The following FOXN2 variants were observed in gnomAD, a reference collection of about 807,000 sequenced individuals.
FOXN2 encodes forkhead box N2.
Under a neutral mutation model 41.2 loss-of-function variants are expected in FOXN2, and 19 were observed. That is an observed-to-expected ratio of 0.46 (90% CI 0.32 to 0.68). The LOEUF (loss-of-function observed/expected upper bound fraction) is 0.68. Among genes scored for constraint, FOXN2 ranks in the 30% least tolerant of loss-of-function variants. The pLI is 0.03. For missense variants in FOXN2, 587 were observed against 509.4 expected, an observed-to-expected ratio of 1.15 and a Z score of -1.47; for synonymous variants, 195 against 176.8, an observed-to-expected ratio of 1.10 and a Z score of -0.82.
chr2:48,368,225 T>A (rs1672652997), intron 5 of FOXN2, among the ~76,000 whole-genome samples: 1 of 152,056 alleles, frequency 6.6e-6, no homozygotes, highest in Non-Finnish European at 1.5e-5. Flanking sequence ...TGGTTCCTTT[T>A]GAACTGGATA....
chr2:48,326,673 C>T (rs1210846268), intron 1 of FOXN2, among the ~76,000 whole-genome samples: 1 of 152,092 alleles, frequency 6.6e-6, no homozygotes, highest in Non-Finnish European at 1.5e-5. Flanking sequence ...GCCAACATGC[C>T]ACAAGTGGAA....
chr2:48,349,120 C>G (rs1488198535), intron 3 of FOXN2, among the ~76,000 whole-genome samples: 2 of 152,198 alleles, frequency 1.3e-5, no homozygotes, highest in African/African-American at 4.8e-5. Context: ...ATGCCAGGAA[C>G]CATCTCACCA....
intron 2 of FOXN2, among the ~76,000 whole-genome samples, chr2:48,337,260 T>A (rs991007383): frequency 4.6e-5 from 7 of 152,064 alleles, no homozygotes; most frequent in African/African-American, 1.7e-4. Flanking sequence ...GATCTCCAGT[T>A]CCATCCATGT....
In FOXN2 at chr2:48,375,648, C is replaced by G. The variant is rs1673207090; in HGVS notation, c.*205C>G. 1 of 459,636 alleles carries G rather than the reference C, an allele frequency of 2.2e-6. No individual in the cohort carries two copies. The highest frequency in any genetic ancestry group is 3.3e-5 in the East Asian group (1 of 30,330). The allele number at this position is 459,636 out of a possible 1,614,324, so 28.5% of individuals were successfully genotyped here. The stretch of plus-strand genomic sequence containing the variant: ...GATCAGAAATACATGATGTGAAGTC[C>G]TAAAAGCATAATTTTTGTGATAAAT... On this transcript the variant is annotated 3_prime_UTR_variant, in exon 7 of 7. Transcript: ENST00000340553.
rs147830284 is a variant in FOXN2, at chr2:48,377,090, T to A, written c.*1647T>A. On this transcript the variant is annotated 3_prime_UTR_variant, in exon 7 of 7. Transcript: ENST00000340553. Reference sequence around the variant, plus strand: ...CAGGGATAACAGTATTAATGTTCTCTGTTCTGTTTCCATGTTAAATTTAAT... The same window carrying A: ...CAGGGATAACAGTATTAATGTTCTCAGTTCTGTTTCCATGTTAAATTTAAT... 303 of 152,190 alleles carry A rather than the reference T, an allele frequency of 2.0e-3. No homozygotes were observed. Among genetic ancestry groups the A allele is most frequent in the Non-Finnish European group, 3.4e-3 (234 of 67,902 alleles). 9.4% of individuals were successfully genotyped at this position (152,190 alleles called of 1,614,324 possible).
Position 48,375,625 on chromosome 2 carries a change from T to G in FOXN2, c.*182T>G, listed in dbSNP as rs1673205501. On this transcript the variant is annotated 3_prime_UTR_variant, in exon 7 of 7. Transcript: ENST00000340553. ...CAATTGCTGTTAGGATCATGCCTGA[T>G]CAGAAATACATGATGTGAAGTCCTA... The G allele has an allele frequency of 8.7e-6, 5 of 575,528 alleles. No homozygotes were observed. The highest frequency in any genetic ancestry group is 1.5e-5 in the Non-Finnish European group (5 of 333,664). 35.7% of individuals were successfully genotyped at this position (575,528 alleles called of 1,614,324 possible).
rs1230360563 is a variant in FOXN2 at position 48,335,719 on chromosome 2, C to A, written c.-15+7017C>A. On this transcript the variant is annotated intron_variant, in intron 2 of 6. Transcript: ENST00000340553. ...TGGACTCCATAAATAATAATAGCAT[C>A]TTATGAAGTTAAGAAAAAGCTATAT... is the stretch of plus-strand genomic sequence containing the variant. Among the ~76,000 whole-genome samples the A allele has an allele frequency of 3.3e-5, 5 of 152,122 alleles. No homozygotes were observed. In the East Asian group the frequency reaches 9.6e-4, roughly 29 times the overall value.
chr2:48,356,015 T>C (rs1335477036), intron 3 of FOXN2, among the ~76,000 whole-genome samples: 1 of 152,166 alleles, frequency 6.6e-6, no homozygotes, highest in Non-Finnish European at 1.5e-5. Flanking sequence ...ATTCCAGCAC[T>C]CTGGTAGGTT....
At chr2:48,348,540 G>A (rs188347522) in intron 3 of FOXN2, among the ~76,000 whole-genome samples, 29 of 152,150 alleles carry the variant, frequency 1.9e-4, no homozygotes, top group African/African-American at 6.7e-4. Flanking sequence ...TTATAATTTT[G>A]GATTGAATAT....
At chr2:48,366,665 A>G (rs368716251) in intron 5 of FOXN2, among the ~76,000 whole-genome samples, 11 of 152,258 alleles carry the variant, frequency 7.2e-5, no homozygotes, top group African/African-American at 2.6e-4. Context: ...TGCATGCATT[A>G]TCTAATTTAA....
At chr2:48,358,030 G>A (rs532277167) in intron 3 of FOXN2, among the ~76,000 whole-genome samples, 9 of 152,042 alleles carry the variant, frequency 5.9e-5, no homozygotes, top group Non-Finnish European at 1.0e-4. Flanking sequence ...TAAATTGCCA[G>A]CATAGTAAAA....
intron 5 of FOXN2, among the ~76,000 whole-genome samples, chr2:48,365,626 T>A (rs547386746): frequency 2.0e-5 from 3 of 152,348 alleles, no homozygotes; most frequent in Non-Finnish European, 2.9e-5. Context: ...CTTCTTCATC[T>A]AATGACTTGT....
rs2104232355 is a variant in FOXN2 at position 48,331,804 on chromosome 2, C to CA, written c.-15+3103dup. Among the ~76,000 whole-genome samples, 3 of 136,354 alleles carry CA rather than the reference C, an allele frequency of 2.2e-5. No individual in the cohort carries two copies. In the East Asian group the frequency reaches 6.3e-4, roughly 29 times the overall value. The allele number at this position is 136,354 out of a possible 152,430, so 89.5% of individuals were successfully genotyped here. Reference sequence around the variant, plus strand: ...TGCACTCCGGCCTCGGTGACAGAACCAGAAAAAAAAAAAAAAAGAAAGAAA... The same window carrying CA: ...TGCACTCCGGCCTCGGTGACAGAACCAAGAAAAAAAAAAAAAAAGAAAGAAA... On this transcript the variant is annotated intron_variant, in intron 2 of 6. Coordinates refer to ENST00000340553, the MANE Select transcript of FOXN2 (RefSeq NM_002158.4).
rs1178700644 is a variant in FOXN2 at position 48,379,024 on chromosome 2, CA to C, written c.*3583del. On this transcript the variant is annotated 3_prime_UTR_variant, in exon 7 of 7. Transcript: ENST00000340553. ...GAAAGTGTAAGAATGCTTTCTGATTCAACAAATTTGTTATCAAACTGTTTCC... is the reference window on the plus strand; with the variant it reads ...GAAAGTGTAAGAATGCTTTCTGATTCACAAATTTGTTATCAAACTGTTTCC... 1.3e-5 allele frequency: 2 copies of C among 152,462 alleles called. No individual in the cohort carries two copies. Among genetic ancestry groups the C allele is most frequent in the Non-Finnish European group, 2.9e-5 (2 of 67,986 alleles). 9.4% of individuals were successfully genotyped at this position (152,462 alleles called of 1,614,324 possible).
intron 5 of FOXN2, among the ~76,000 whole-genome samples, chr2:48,367,373 C>T (rs1337760281): frequency 6.6e-6 from 1 of 152,208 alleles, no homozygotes; most frequent in Non-Finnish European, 1.5e-5. Context: ...GCTAAAAGCA[C>T]CTGGTATACT....
chr2:48,345,282 G>C (rs1261947686), intron 2 of FOXN2, among the ~76,000 whole-genome samples: 1 of 152,066 alleles, frequency 6.6e-6, no homozygotes, highest in Non-Finnish European at 1.5e-5. Context: ...GTGTTATCTT[G>C]TTAGACTTAC....
intron 3 of FOXN2, among the ~76,000 whole-genome samples, chr2:48,353,937 A>G (rs183204608): frequency 1.2e-4 from 18 of 151,814 alleles, no homozygotes. Flanking sequence ...ATTGTTTGCT[A>G]TTGTTTATGC....
At position 48,375,772 on chromosome 2, in the gene FOXN2, A is replaced by G. The variant is rs566298747; in HGVS notation, c.*329A>G. 39 of 188,794 alleles carry G rather than the reference A, an allele frequency of 2.1e-4. No individual in the cohort carries two copies. In the Middle Eastern group the frequency reaches 6.6e-3, roughly 32 times the overall value. The allele number at this position is 188,794 out of a possible 1,614,324, so 11.7% of individuals were successfully genotyped here. On this transcript the variant is annotated 3_prime_UTR_variant, in exon 7 of 7. Coordinates refer to ENST00000340553, the MANE Select transcript of FOXN2 (RefSeq NM_002158.4). ...TTCTTCTGTTAATATGTCAGAATGT[A>G]AGATTTGGCAACTCGATAAATTTTT... is the stretch of plus-strand genomic sequence containing the variant.
Position 48,346,461 on chromosome 2 carries a change from A to G in FOXN2, c.247A>G (p.Ser83Gly). The change falls in exon 3 of 7, where the codon AGT (serine) becomes GGT (glycine). Residue 83 changes from serine to glycine, a missense_variant. Ser to Gly is a moderately conservative substitution (Grantham distance 56). Coordinates refer to ENST00000340553, the MANE Select transcript of FOXN2 (RefSeq NM_002158.4). The part of the protein sequence containing the change: ...SLGSEGLPIV[S>G]PLYDIEGDDV... ...CGGAAGTGAGGGTCTTCCAATTGTT[A>G]GTCCATTGTATGACATAGAGGGAGA... 6.2e-7 allele frequency: 1 copy of G among 1,614,142 alleles called. No homozygotes were observed. Among genetic ancestry groups the G allele is most frequent in the Non-Finnish European group, 8.5e-7 (1 of 1,180,020 alleles).
Sources: gnomAD v4.1 joint callset for allele counts (sites outside exome capture counted in the v4.1 genomes callset) on GRCh38, gnomAD v4.1.1 for gene constraint, MANE v1.5 for transcripts, NCBI Gene and HGNC (gene_info 2026-07-23, HGNC 2026-07-21) for gene names.